Variants in ATG7 observed in about 807,000 individuals in gnomAD.
ATG7 encodes autophagy related 7.
ATG7 carries 70 observed loss-of-function variants against 82.4 expected under a neutral mutation model. The observed-to-expected ratio is 0.85, with a 90% CI of 0.70 to 1.04. The LOEUF (loss-of-function observed/expected upper bound fraction) is 1.04. Ranked by LOEUF, ATG7 falls within the 50% of genes least tolerant of loss-of-function variation. The pLI, the probability that ATG7 is intolerant of heterozygous loss-of-function variation, is 0.00. For synonymous variants in ATG7, 287 were observed against 313.0 expected (o/e 0.92, Z 0.88); for missense variants, 792 against 864.3 (o/e 0.92, Z 1.05).
intron 20 of ATG7, among the ~76,000 whole-genome samples, chr3:11,491,672 G>T (rs186658615): frequency 6.6e-6 from 1 of 152,260 alleles, no homozygotes; most frequent in Admixed American, 6.5e-5. Context: ...CTTTCTGTTT[G>T]TTAGTTTTCC....
rs937113206 is a variant in ATG7 at position 11,555,000 on chromosome 3, T to G, written c.*157T>G. The stretch of plus-strand genomic sequence containing the variant: ...CCCTCTGCTGCCCAGGAGTGGCCAG[T>G]GTTCGGCGTTGCTCGGGATTCAAGA... On this transcript the variant is annotated 3_prime_UTR_variant, in exon 21 of 21. Transcript: ENST00000693202. 7 of 891,474 alleles carry G rather than the reference T, an allele frequency of 7.9e-6. No individual in the cohort carries two copies. Among genetic ancestry groups the G allele is most frequent in the Non-Finnish European group, 1.1e-5 (7 of 609,276 alleles). 55.2% of individuals were successfully genotyped at this position (891,474 alleles called of 1,614,324 possible).
At chr3:11,537,206 C>T (rs943052480) in intron 20 of ATG7, among the ~76,000 whole-genome samples, 1 of 152,192 alleles carries the variant, frequency 6.6e-6, no homozygotes, top group Admixed American at 6.5e-5. Flanking sequence ...TTCCTTCCTT[C>T]CCATCTTTCA....
chr3:11,511,546 T>C (rs2447606), intron 20 of ATG7, among the ~76,000 whole-genome samples: 127,405 of 152,216 alleles, frequency 0.84, 53,678 homozygotes, highest in African/African-American at 0.93. Context: ...TAGTGGATCC[T>C]GCACTGGGGC....
chr3:11,491,504 A>G (rs1242223523), intron 20 of ATG7, among the ~76,000 whole-genome samples: 3 of 152,152 alleles, frequency 2.0e-5, no homozygotes, highest in African/African-American at 7.2e-5. Flanking sequence ...GCTTTGTTCC[A>G]TTGCTGGTGA....
chr3:11,536,526 T>C (rs954958046), intron 20 of ATG7, among the ~76,000 whole-genome samples: 1 of 152,230 alleles, frequency 6.6e-6, no homozygotes, highest in Non-Finnish European at 1.5e-5. Flanking sequence ...CCAAAACTTC[T>C]GTTTCCCATG....
intron 20 of ATG7, among the ~76,000 whole-genome samples, chr3:11,483,236 T>C (rs1010561562): frequency 6.6e-6 from 1 of 152,138 alleles, no homozygotes; most frequent in African/African-American, 2.4e-5. Flanking sequence ...ATCCCCATCC[T>C]CTCTGGTCAG....
chr3:11,536,546 A>T (rs964850615), intron 20 of ATG7, among the ~76,000 whole-genome samples: 1 of 152,156 alleles, frequency 6.6e-6, no homozygotes, highest in Non-Finnish European at 1.5e-5. Context: ...GCAAAACGCC[A>T]CCACACACCT....
At chr3:11,400,645 C>T (rs1167714412) in intron 19 of ATG7, among the ~76,000 whole-genome samples, 1 of 152,234 alleles carries the variant, frequency 6.6e-6, no homozygotes, top group East Asian at 1.9e-4. Context: ...CAAACCAAAC[C>T]TGTACCTGGG....
intron 15 of ATG7, among the ~76,000 whole-genome samples, chr3:11,359,731 A>C (rs146284388): frequency 3.8e-4 from 58 of 152,200 alleles, no homozygotes; most frequent in East Asian, 2.5e-3. Flanking sequence ...ACAAAAAAAA[A>C]CCAACTATGC....
chr3:11,398,256 T>TAAAAGAAATACACCTAA, intron 19 of ATG7, among the ~76,000 whole-genome samples: 1 of 152,222 alleles, frequency 6.6e-6, no homozygotes, highest in South Asian at 2.1e-4. Context: ...TGCACCTAAT[T>TAAAAGAAATACACCTAA]TGAAAAGAAA....
the ATG7 span, among the ~76,000 whole-genome samples, chr3:11,572,452 G>A: frequency 7.9e-5 from 12 of 152,198 alleles, no homozygotes; most frequent in South Asian, 6.2e-4. Context: ...TATTTGCTTC[G>A]GGCCTTTTCT....
At chr3:11,359,555 G>C (rs1359138099) in intron 15 of ATG7, among the ~76,000 whole-genome samples, 2 of 151,952 alleles carry the variant, frequency 1.3e-5, no homozygotes, top group Non-Finnish European at 2.9e-5. Flanking sequence ...AATTAGCTAG[G>C]TGTGGTGATG....
intron 19 of ATG7, among the ~76,000 whole-genome samples, chr3:11,394,043 ATGT>A (rs2079023817): frequency 6.6e-6 from 1 of 151,950 alleles, no homozygotes; most frequent in African/African-American, 2.4e-5. Context: ...TATTGTGGAG[ATGT>A]TGTATCCCCC....
At chr3:11,472,495 G>C (rs976860872) in intron 20 of ATG7, among the ~76,000 whole-genome samples, 2 of 152,194 alleles carry the variant, frequency 1.3e-5, no homozygotes, top group African/African-American at 4.8e-5. Flanking sequence ...TCTAGGGTTA[G>C]GGGTGGAATA....
chr3:11,377,583 C>T (rs2077518830), intron 18 of ATG7, among the ~76,000 whole-genome samples: 1 of 152,176 alleles, frequency 6.6e-6, no homozygotes, highest in Non-Finnish European at 1.5e-5. Flanking sequence ...ATTTGTGCAA[C>T]ATAAAGTAAG....
At chr3:11,384,653 T>A (rs2078176012) in intron 19 of ATG7, among the ~76,000 whole-genome samples, 5 of 152,184 alleles carry the variant, frequency 3.3e-5, no homozygotes, top group Admixed American at 3.3e-4. Flanking sequence ...CTATCATGTT[T>A]TCTTGTTACT....
intron 9 of ATG7, among the ~76,000 whole-genome samples, chr3:11,321,801 G>A (rs1159137577): frequency 2.0e-5 from 3 of 152,152 alleles, no homozygotes; most frequent in Non-Finnish European, 4.4e-5. Flanking sequence ...TCACTCACAT[G>A]TTCTAATTGT....
At chr3:11,373,828 T>A (rs143934419) in intron 18 of ATG7, among the ~76,000 whole-genome samples, 1 of 152,206 alleles carries the variant, frequency 6.6e-6, no homozygotes, top group Non-Finnish European at 1.5e-5. Context: ...GCAGTTCTTA[T>A]AAGATTGAGG....
At chr3:11,275,539 T>C (rs1235856979) in intron 1 of ATG7, among the ~76,000 whole-genome samples, 1 of 146,292 alleles carries the variant, frequency 6.8e-6, no homozygotes, top group East Asian at 2.0e-4. Context: ...TTTTTTTTTT[T>C]AGTAGAGATG....
Sources: gnomAD v4.1 joint callset for allele counts (sites outside exome capture counted in the v4.1 genomes callset) on GRCh38, gnomAD v4.1.1 for gene constraint, MANE v1.5 for transcripts, NCBI Gene and HGNC (gene_info 2026-07-23, HGNC 2026-07-21) for gene names.